CDH18: variants seen among roughly 807,000 people sequenced by gnomAD.
The protein encoded by CDH18 is cadherin 18, also known as cadherin-18.
A neutral mutation model predicts 67.9 loss-of-function variants in CDH18; 31 were observed. The ratio of observed to expected loss-of-function variants is 0.46; its 90% CI spans 0.34 to 0.62. The LOEUF is 0.62. Ranked by LOEUF, CDH18 falls within the 20% of genes least tolerant of loss-of-function variation. CDH18 has a pLI of 0.01. For missense variants in CDH18, 890 were observed against 975.5 expected (o/e 0.91, Z 1.17); for synonymous variants, 362 against 347.2 (o/e 1.04, Z -0.48).
chr5:20,092,975 TG>T (rs1450221456), intron 2 of CDH18, among the ~76,000 whole-genome samples: 2 of 152,294 alleles, frequency 1.3e-5, no homozygotes, highest in Admixed American at 1.3e-4. Context: ...TTTGCTTTCT[TG>T]ACTACTGTTT....
At chr5:20,235,615 TA>T (rs1371958925) in intron 2 of CDH18, among the ~76,000 whole-genome samples, 1 of 151,856 alleles carries the variant, frequency 6.6e-6, no homozygotes, top group African/African-American at 2.4e-5. Flanking sequence ...GATTAAACAA[TA>T]AAAAAGGAAC....
At chr5:20,455,080 AAAAAAAAAAT>A (rs1750747485) in intron 1 of CDH18, among the ~76,000 whole-genome samples, 1 of 150,564 alleles carries the variant, frequency 6.6e-6, no homozygotes, top group African/African-American at 2.5e-5. Flanking sequence ...GTGAGCAGAA[AAAAAAAAAAT>A]CCCTATTCCT....
chr5:20,444,937 G>A (rs565839594), intron 1 of CDH18, among the ~76,000 whole-genome samples: 1 of 151,906 alleles, frequency 6.6e-6, no homozygotes, highest in Admixed American at 6.6e-5. Flanking sequence ...AGCAAGAATT[G>A]GTTGTAAAAA....
At chr5:19,513,984 T>C (rs1440446405) in intron 10 of CDH18, among the ~76,000 whole-genome samples, 4 of 152,190 alleles carry the variant, frequency 2.6e-5, no homozygotes, top group African/African-American at 9.7e-5. Flanking sequence ...CTCTTAATGC[T>C]ATCCCTCCCC....
chr5:20,488,531 C>T (rs919533508), intron 1 of CDH18, among the ~76,000 whole-genome samples: 1 of 151,994 alleles, frequency 6.6e-6, no homozygotes, highest in African/African-American at 2.4e-5. Flanking sequence ...AAAATGATCT[C>T]TTCCCAAAAC....
At chr5:20,235,906 A>C (rs1268211189) in intron 2 of CDH18, among the ~76,000 whole-genome samples, 1 of 152,208 alleles carries the variant, frequency 6.6e-6, no homozygotes, top group Admixed American at 6.5e-5. Context: ...ACATGATGGA[A>C]TACTACACAG....
chr5:20,327,007 T>A (rs917814224), intron 1 of CDH18, among the ~76,000 whole-genome samples: 5 of 152,214 alleles, frequency 3.3e-5, no homozygotes, highest in African/African-American at 1.2e-4. Flanking sequence ...TTAAGTGTAT[T>A]TACCACACGG....
At chr5:19,523,787 T>C (rs1352596470) in intron 9 of CDH18, among the ~76,000 whole-genome samples, 2 of 152,092 alleles carry the variant, frequency 1.3e-5, no homozygotes, top group South Asian at 2.1e-4. Flanking sequence ...TTTATACCTA[T>C]AGGAAAACTC....
intron 1 of CDH18, among the ~76,000 whole-genome samples, chr5:20,389,161 C>T (rs944911616): frequency 8.5e-5 from 13 of 152,116 alleles, no homozygotes; most frequent in African/African-American, 1.9e-4. Context: ...GTGTTAAAGT[C>T]TCCCACTATT....
chr5:20,511,510 G>A (rs181359262), intron 1 of CDH18, among the ~76,000 whole-genome samples: 1,685 of 152,192 alleles, frequency 0.011, 18 homozygotes, highest in Non-Finnish European at 0.019. Flanking sequence ...AGAGGCATAG[G>A]CAAATATATC....
At chr5:19,757,980 A>C (rs1164128434) in intron 3 of CDH18, among the ~76,000 whole-genome samples, 3 of 152,170 alleles carry the variant, frequency 2.0e-5, no homozygotes, top group Non-Finnish European at 4.4e-5. Flanking sequence ...TCTGTGAACC[A>C]GGCTCGAGTC....
intron 5 of CDH18, among the ~76,000 whole-genome samples, chr5:19,711,650 T>TAAAAAAA (rs3062941): frequency 1.0e-3 from 117 of 115,090 alleles, no homozygotes; most frequent in East Asian, 1.7e-3. Flanking sequence ...TAGTATAAAG[T>TAAAAAAA]AAAAAAAAAA....
At chr5:19,552,330 T>C (rs1373460902) in intron 8 of CDH18, among the ~76,000 whole-genome samples, 3 of 152,140 alleles carry the variant, frequency 2.0e-5, no homozygotes, top group Non-Finnish European at 4.4e-5. Flanking sequence ...CATAGAATCA[T>C]AGTTCTGGAA....
At chr5:19,509,557 G>T (rs1744797236) in intron 10 of CDH18, among the ~76,000 whole-genome samples, 1 of 152,030 alleles carries the variant, frequency 6.6e-6, no homozygotes, top group Non-Finnish European at 1.5e-5. Context: ...TTATTTAAAT[G>T]AGCTTGATTT....
intron 2 of CDH18, among the ~76,000 whole-genome samples, chr5:20,166,551 T>C (rs1293969967): frequency 6.6e-6 from 1 of 151,478 alleles, no homozygotes; most frequent in Non-Finnish European, 1.5e-5. Flanking sequence ...GGTTCTCAAA[T>C]ATTAGCATGA....
At chr5:20,231,224 G>A (rs1001428903) in intron 2 of CDH18, among the ~76,000 whole-genome samples, 1 of 152,124 alleles carries the variant, frequency 6.6e-6, no homozygotes, top group African/African-American at 2.4e-5. Flanking sequence ...ACTTTAGGGG[G>A]TTTAGTTCCC....
At chr5:20,431,350 G>T in intron 1 of CDH18, among the ~76,000 whole-genome samples, 1 of 151,912 alleles carries the variant, frequency 6.6e-6, no homozygotes, top group Non-Finnish European at 1.5e-5. Flanking sequence ...AACATTACGT[G>T]GGTATGGTGG....
chr5:19,918,989 C>T lies in CDH18; in HGVS notation c.-257+62071G>A, dbSNP rs141873704. Among the ~76,000 whole-genome samples the T allele has an allele frequency of 1.9e-3, 288 of 152,176 alleles. 2 individuals carry two copies. Among genetic ancestry groups the T allele is most frequent in the Non-Finnish European group, 2.5e-3 (169 of 68,000 alleles). On this transcript the variant is annotated intron_variant, in intron 2 of 12. Transcript: ENST00000382275. ...CAAACATATGACCAGAAGATTAGAA[C>T]GTTCAGCCCCACCCAGACTGGAAAT...
chr5:19,826,485 C>A (rs1473021731), intron 3 of CDH18, among the ~76,000 whole-genome samples: 6 of 152,102 alleles, frequency 3.9e-5, no homozygotes, highest in Non-Finnish European at 8.8e-5. Flanking sequence ...AAAGAAGAGG[C>A]AAGTCACCTA....
Sources: gnomAD v4.1 joint callset for allele counts (sites outside exome capture counted in the v4.1 genomes callset) on GRCh38, gnomAD v4.1.1 for gene constraint, MANE v1.5 for transcripts, NCBI Gene and HGNC (gene_info 2026-07-23, HGNC 2026-07-21) for gene names.